ZNF281: variants seen among roughly 807,000 people sequenced by gnomAD.
The protein encoded by ZNF281 is GC-box-binding zinc finger protein 1.
In ZNF281, 2 loss-of-function variants were observed where a neutral mutation model predicts 58.8. The observed-to-expected ratio is 0.03, with a 90% CI of 0.01 to 0.11. ZNF281 has a LOEUF of 0.11. Ranked by LOEUF, ZNF281 falls within the 10% of genes least tolerant of loss-of-function variation. ZNF281 has a pLI of 1.00. For synonymous variants in ZNF281, 465 were observed against 407.7 expected, an observed-to-expected ratio of 1.14 and a Z score of -1.69; for missense variants, 975 against 1,090.7, an observed-to-expected ratio of 0.89 and a Z score of 1.49.
chr1:200,407,411 C>T lies in ZNF281; in HGVS notation c.2295G>A (p.Leu765=). The part of the protein sequence containing the change: ...THQQLTPSQE[L]DDLIDSQKNL... Reference sequence around the variant, plus strand: ...TCTTCTGAGAATCTATCAGATCATCCAGCTCCTGGGAAGGTGTCAACTGCT... The same window carrying T: ...TCTTCTGAGAATCTATCAGATCATCTAGCTCCTGGGAAGGTGTCAACTGCT... The change falls in exon 2 of 2, where the codon CTG becomes CTA. Residue 765 remains leucine (L), a synonymous_variant. Transcript: ENST00000367353. The T allele has an allele frequency of 2.5e-6, 4 of 1,614,156 alleles. No homozygotes were observed. Among genetic ancestry groups the T allele is most frequent in the Non-Finnish European group, 3.4e-6 (4 of 1,180,018 alleles).
In ZNF281 at chr1:200,407,706, T is replaced by C; in HGVS notation, c.2000A>G (p.Glu667Gly). The change falls in exon 2 of 2, where the codon GAA becomes GGA. Residue 667 changes from glutamate to glycine, a missense_variant. This residue lies in a region of ZNF281 where 579 missense variants were observed against 608.9 expected (regional missense o/e 0.95). Coordinates refer to ENST00000367353, the MANE Select transcript of ZNF281 (RefSeq NM_001281293.2). ...AGCCTGTTGGAGGTATTTGGAGTAT[T>C]CTTGCAACATACTTGCTTTATCATT... ...PSNDKASMLQ[E>G]YSKYLQQAFE... 1.2e-6 allele frequency: 2 copies of C among 1,614,186 alleles called. No homozygotes were observed. Among genetic ancestry groups the C allele is most frequent in the Non-Finnish European group, 1.7e-6 (2 of 1,180,034 alleles).
rs1053001867 is a variant in ZNF281, at chr1:200,405,785, T to C, written c.*1233A>G. 8 of 152,220 alleles carry C rather than the reference T, an allele frequency of 5.3e-5. No homozygotes were observed. The highest frequency in any genetic ancestry group is 2.0e-4 in the Admixed American group (3 of 15,300). 9.4% of individuals were successfully genotyped at this position (152,220 alleles called of 1,614,324 possible). ...ACATTCTTATCCCTCACAGGAGTTA[T>C]GTCACCAGTTGGAATTACAACCTTA... On this transcript the variant is annotated 3_prime_UTR_variant, in exon 2 of 2. Transcript: ENST00000367353.
At position 200,408,708 on chromosome 1, in the gene ZNF281, T is replaced by A; in HGVS notation, c.998A>T (p.Glu333Val). Residue 333 changes from glutamate to valine, a missense_variant, in exon 2 of 2, where the codon GAG (glutamate) becomes GTG (valine). Around this residue, in one of 3 missense-constraint regions of ZNF281, gnomAD observed 26 missense variants for 121.0 expected, o/e 0.21. Coordinates refer to ENST00000367353, the MANE Select transcript of ZNF281 (RefSeq NM_001281293.2). Reference sequence around the variant, plus strand: ...TCCACTATGTGTCCTCTTGTGTCTCTCCATATGGTACTTCTGAATAAACTT... The same window carrying A: ...TCCACTATGTGTCCTCTTGTGTCTCACCATATGGTACTTCTGAATAAACTT... Reference protein sequence around the residue: ...SMKFIQKYHMERHKRTHSGEK... With the variant: ...SMKFIQKYHMVRHKRTHSGEK... 1 of 1,614,162 alleles carries A rather than the reference T, an allele frequency of 6.2e-7. No homozygotes were observed. The highest frequency in any genetic ancestry group is 8.5e-7 in the Non-Finnish European group (1 of 1,180,046).
rs1300311962 is a variant in ZNF281, at chr1:200,409,453, C to G, written c.253G>C (p.Ala85Pro). The change falls in exon 2 of 2, where the codon GCC (alanine) becomes CCC (proline). Residue 85 changes from alanine to proline, a missense_variant. Transcript: ENST00000367353. Reference protein sequence around the residue: ...QCVLSSSTSAAPAAEPPPPPA... With the variant: ...QCVLSSSTSAPPAAEPPPPPA... Reference sequence around the variant, plus strand: ...GGAGGGGGGGGCTCAGCGGCCGGGGCTGCGGAGGTAGAGGAGGATAACACG... The same window carrying G: ...GGAGGGGGGGGCTCAGCGGCCGGGGGTGCGGAGGTAGAGGAGGATAACACG... The G allele has an allele frequency of 6.5e-7, 1 of 1,532,946 alleles. No homozygotes were observed. The highest frequency in any genetic ancestry group is 2.5e-5 in the East Asian group (1 of 40,662). 95.0% of individuals were successfully genotyped at this position (1,532,946 alleles called of 1,614,324 possible).
Position 200,406,639 on chromosome 1 carries a change from T to C in ZNF281, c.*379A>G, listed in dbSNP as rs1220281087. 6.0e-6 allele frequency: 1 copy of C among 166,420 alleles called. No individual in the cohort carries two copies. Among genetic ancestry groups the C allele is most frequent in the African/African-American group, 2.4e-5 (1 of 41,840 alleles). The allele number at this position is 166,420 out of a possible 1,614,324, so 10.3% of individuals were successfully genotyped here. A position where few individuals can be genotyped will look rare whatever the true frequency, so the allele number is the denominator to read the frequency against. On this transcript the variant is annotated 3_prime_UTR_variant, in exon 2 of 2. Transcript: ENST00000367353. ...ATTCCCATGCGTTATTACACTTTCCTGAGAGTAAAGCAATTAGAATAACCT... is the reference window on the plus strand; with the variant it reads ...ATTCCCATGCGTTATTACACTTTCCCGAGAGTAAAGCAATTAGAATAACCT...
Position 200,408,399 on chromosome 1 carries a change from C to T in ZNF281, c.1307G>A (p.Ser436Asn). The part of the protein sequence containing the change: ...SQISNNINMQ[S>N]YSVEMPTVSS... ...CACGGTAGGCATTTCTACTGAGTAA[C>T]TCTGCATGTTTATATTATTTGAAAT... Residue 436 changes from serine (S) to asparagine (N), a missense_variant, in exon 2 of 2, where the codon AGT (serine) becomes AAT (asparagine). Ser to Asn is a conservative substitution (Grantham distance 46, BLOSUM62 1). Around this residue, in one of 3 missense-constraint regions of ZNF281, gnomAD observed 579 missense variants for 608.9 expected, o/e 0.95. Transcript: ENST00000367353. The T allele has an allele frequency of 6.2e-7, 1 of 1,614,164 alleles. No homozygotes were observed. Among genetic ancestry groups the T allele is most frequent in the Non-Finnish European group, 8.5e-7 (1 of 1,180,018 alleles).
In ZNF281 at chr1:200,407,572, T is replaced by G; in HGVS notation, c.2134A>C (p.Thr712Pro). ...HTLFPEKQIY[T>P]TSPLECGFGQ... The stretch of plus-strand genomic sequence containing the variant: ...AAACCACACTCCAAAGGAGACGTAG[T>G]GTATATTTGTTTTTCTGGAAACAAA... The change falls in exon 2 of 2, where the codon ACT (threonine) becomes CCT (proline). Residue 712 changes from threonine (T) to proline (P), a missense_variant. Transcript: ENST00000367353. 1 of 1,614,164 alleles carries G rather than the reference T, an allele frequency of 6.2e-7. No homozygotes were observed. Among genetic ancestry groups the G allele is most frequent in the Non-Finnish European group, 8.5e-7 (1 of 1,180,016 alleles).
chr1:200,409,420 G>T lies in ZNF281; in HGVS notation c.286C>A (p.Pro96Thr). ...GGCTCCTTCTTGAAAGTCATGTCCG[G>T]GGCTGGCGGAGGGGGGGGCTCAGCG... is the stretch of plus-strand genomic sequence containing the variant. ...PAAEPPPPPAPDMTFKKEPAA... is the reference protein window; with the variant it reads ...PAAEPPPPPATDMTFKKEPAA... Residue 96 changes from proline to threonine, a missense_variant, in exon 2 of 2, where the codon CCG (proline) becomes ACG (threonine). Physicochemically the swap from Pro to Thr is conservative, Grantham distance 38. This residue lies in a region of ZNF281 where 370 missense variants were observed against 360.9 expected (regional missense o/e 1.03). Coordinates refer to ENST00000367353, the MANE Select transcript of ZNF281 (RefSeq NM_001281293.2). The T allele has an allele frequency of 6.6e-7, 1 of 1,522,562 alleles. No homozygotes were observed. The highest frequency in any genetic ancestry group is 1.8e-4 in the Middle Eastern group (1 of 5,694). 94.3% of individuals were successfully genotyped at this position (1,522,562 alleles called of 1,614,324 possible). A position where few individuals can be genotyped will look rare whatever the true frequency, so the allele number is the denominator to read the frequency against.
chr1:200,410,036 T>G lies in ZNF281; in HGVS notation c.-109A>C, dbSNP rs953543547. On this transcript the variant is annotated 5_prime_UTR_variant, in exon 1 of 2. Coordinates refer to ENST00000367353, the MANE Select transcript of ZNF281 (RefSeq NM_001281293.2). ...ATGGAATTAAAAGCCTCCCGTGTAC[T>G]GCGCAGCCGCGGCGCAGTGTCTGCT... 1.3e-5 allele frequency: 5 copies of G among 398,132 alleles called. No homozygotes were observed. In the Admixed American group the frequency reaches 1.3e-4, roughly 10 times the overall value. The allele number at this position is 398,132 out of a possible 1,614,324, so 24.7% of individuals were successfully genotyped here.
At position 200,409,291 on chromosome 1, in the gene ZNF281, G is replaced by T; in HGVS notation, c.415C>A (p.Gln139Lys). The T allele has an allele frequency of 6.2e-7, 1 of 1,610,950 alleles. No homozygotes were observed. Among genetic ancestry groups the T allele is most frequent in the Non-Finnish European group, 8.5e-7 (1 of 1,178,590 alleles). ...QEKPADPEEQ[Q>K]SHHHHHHHHY... The stretch of plus-strand genomic sequence containing the variant: ...TGGTGGTGATGGTGGTGGTGGGACT[G>T]CTGCTCCTCAGGATCCGCGGGTTTC... The change falls in exon 2 of 2, where the codon CAG becomes AAG. Residue 139 changes from glutamine (Q) to lysine (K), a missense_variant. Gln to Lys is a moderately conservative substitution (Grantham distance 53). Coordinates refer to ENST00000367353, the MANE Select transcript of ZNF281 (RefSeq NM_001281293.2).
At position 200,408,149 on chromosome 1, in the gene ZNF281, A is replaced by G. The variant is rs766941670; in HGVS notation, c.1557T>C (p.Ser519=). The stretch of plus-strand genomic sequence containing the variant: ...TTATCTGACCTTGTTTGCCACTTGT[A>G]CTTTGGAGAAGACCAATGGTCTCCA... ...NSVETIGLLQ[S]TSGKQGQISS... Residue 519 remains serine, a synonymous_variant, in exon 2 of 2, where the codon AGT becomes AGC. Transcript: ENST00000367353. 1.2e-6 allele frequency: 2 copies of G among 1,614,054 alleles called. No homozygotes were observed. The highest frequency in any genetic ancestry group is 1.7e-5 in the Admixed American group (1 of 60,008).
In ZNF281 at chr1:200,409,532, G is replaced by A. The variant is rs780353247; in HGVS notation, c.174C>T (p.Pro58=). ...QGMVMFNHRL[P]PVTSFTRPAG... is the part of the protein sequence containing the mutation. Reference sequence around the variant, plus strand: ...CCGGCCGGGTGAAGCTGGTGACCGGGGGAAGACGGTGGTTGAACATAACCA... The same window carrying A: ...CCGGCCGGGTGAAGCTGGTGACCGGAGGAAGACGGTGGTTGAACATAACCA... The change falls in exon 2 of 2, where the codon CCC becomes CCT. Residue 58 remains proline (P), a synonymous_variant. Transcript: ENST00000367353. 3 of 1,549,910 alleles carry A rather than the reference G, an allele frequency of 1.9e-6. No homozygotes were observed. Among genetic ancestry groups the A allele is most frequent in the Non-Finnish European group, 2.6e-6 (3 of 1,146,710 alleles).
At position 200,409,140 on chromosome 1, in the gene ZNF281, G is replaced by A; in HGVS notation, c.566C>T (p.Ala189Val). 2 of 1,614,142 alleles carry A rather than the reference G, an allele frequency of 1.2e-6. No individual in the cohort carries two copies. The highest frequency in any genetic ancestry group is 1.7e-6 in the Non-Finnish European group (2 of 1,180,014). ...ILHQHVQQQP[A>V]QHHRDVLLSS... ...GAGTAATACGTCACGGTGGTGCTGG[G>A]CTGGTTGCTGCTGGACATGCTGGTG... The change falls in exon 2 of 2, where the codon GCC becomes GTC. Residue 189 changes from alanine (A) to valine (V), a missense_variant. Physicochemically the swap from Ala to Val is moderately conservative, Grantham distance 64. Transcript: ENST00000367353.
Position 200,409,559 on chromosome 1 carries a change from A to G in ZNF281, c.147T>C (p.Gly49=), listed in dbSNP as rs1654558154. The G allele has an allele frequency of 1.3e-6, 2 of 1,548,614 alleles. No homozygotes were observed. The highest frequency in any genetic ancestry group is 1.7e-6 in the Non-Finnish European group (2 of 1,146,606). The change falls in exon 2 of 2, where the codon GGT becomes GGC. Residue 49 remains glycine (G), a synonymous_variant. Coordinates refer to ENST00000367353, the MANE Select transcript of ZNF281 (RefSeq NM_001281293.2). The part of the protein sequence containing the change: ...RAEMEPTFPQ[G]MVMFNHRLPP... ...GAAGACGGTGGTTGAACATAACCAT[A>G]CCCTGGGGAAAGGTGGGTTCCATCT... is the stretch of plus-strand genomic sequence containing the variant.
rs1184754155 is a variant in ZNF281, at chr1:200,407,534, A to G, written c.2172T>C (p.Val724=). ...GCAATGAAGATGGCAACACTGAGGT[A>G]ACAGATTGGCCGAAACCACACTCCA... ...SPLECGFGQS[V]TSVLPSSLPK... is the part of the protein sequence containing the mutation. Residue 724 remains valine (V), a synonymous_variant, in exon 2 of 2, where the codon GTT becomes GTC. Coordinates refer to ENST00000367353, the MANE Select transcript of ZNF281 (RefSeq NM_001281293.2). 1.9e-6 allele frequency: 3 copies of G among 1,614,114 alleles called. No individual in the cohort carries two copies. The African/African-American group carries it at 4.0e-5, about 22-fold the overall frequency.
chr1:200,408,204 C>A lies in ZNF281; in HGVS notation c.1502G>T (p.Gly501Val). The stretch of plus-strand genomic sequence containing the variant: ...ATTATTTGATACTATGCCAAGTGAG[C>A]CACTTGGTTTTCCAGACAAGGATTT... ...GQKSLSGKPSGSLGIVSNNSV... is the reference protein window; with the variant it reads ...GQKSLSGKPSVSLGIVSNNSV... The change falls in exon 2 of 2, where the codon GGC (glycine) becomes GTC (valine). Residue 501 changes from glycine (G) to valine (V), a missense_variant. Gly to Val is a moderately radical substitution (Grantham distance 109). Transcript: ENST00000367353. 6.2e-7 allele frequency: 1 copy of A among 1,613,304 alleles called. No homozygotes were observed. Among genetic ancestry groups the A allele is most frequent in the Non-Finnish European group, 8.5e-7 (1 of 1,180,006 alleles).
Position 200,409,148 on chromosome 1 carries a change from C to A in ZNF281, c.558G>T (p.Gln186His). The A allele has an allele frequency of 6.2e-7, 1 of 1,614,124 alleles. No individual in the cohort carries two copies. The highest frequency in any genetic ancestry group is 1.1e-5 in the South Asian group (1 of 91,072). ...CGTCACGGTGGTGCTGGGCTGGTTG[C>A]TGCTGGACATGCTGGTGGAGAATAC... Reference protein sequence around the residue: ...DLSILHQHVQQQPAQHHRDVL... With the variant: ...DLSILHQHVQHQPAQHHRDVL... The change falls in exon 2 of 2, where the codon CAG becomes CAT. Residue 186 changes from glutamine (Q) to histidine (H), a missense_variant. This residue lies in a region of ZNF281 where 370 missense variants were observed against 360.9 expected (regional missense o/e 1.03). Coordinates refer to ENST00000367353, the MANE Select transcript of ZNF281 (RefSeq NM_001281293.2).
rs754099945 is a variant in ZNF281, at chr1:200,407,378, C to T, written c.2328G>A (p.Glu776=). Residue 776 remains glutamate, a synonymous_variant, in exon 2 of 2, where the codon GAG becomes GAA. Transcript: ENST00000367353. ...ATGAGGACTGGAAGGCTGATGAAGTCTCTAAGTTCTTCTGAGAATCTATCA... is the reference window on the plus strand; with the variant it reads ...ATGAGGACTGGAAGGCTGATGAAGTTTCTAAGTTCTTCTGAGAATCTATCA... ...DDLIDSQKNL[E]TSSAFQSSSQ... 15 of 1,614,002 alleles carry T rather than the reference C, an allele frequency of 9.3e-6. No homozygotes were observed. In the South Asian group the frequency reaches 1.5e-4, roughly 17 times the overall value.
In ZNF281 at chr1:200,407,582, T is replaced by G. The variant is rs747641520; in HGVS notation, c.2124A>C (p.Lys708Asn). 6.2e-7 allele frequency: 1 copy of G among 1,614,182 alleles called. No individual in the cohort carries two copies. Among genetic ancestry groups the G allele is most frequent in the Non-Finnish European group, 8.5e-7 (1 of 1,180,038 alleles). Residue 708 changes from lysine (K) to asparagine (N), a missense_variant, in exon 2 of 2, where the codon AAA becomes AAC. Lys to Asn is a moderately conservative substitution (Grantham distance 94). Coordinates refer to ENST00000367353, the MANE Select transcript of ZNF281 (RefSeq NM_001281293.2). ...CCAAAGGAGACGTAGTGTATATTTG[T>G]TTTTCTGGAAACAAAGTGTGGTTGT... ...PLHNHTLFPE[K>N]QIYTTSPLEC...
Sources: allele counts gnomAD v4.1 joint callset, GRCh38; gene constraint gnomAD v4.1.1; regional missense constraint gnomAD v4.1.1; transcripts MANE v1.5; gene names NCBI Gene and HGNC (gene_info 2026-07-23, HGNC 2026-07-21).